AUTS2: variants seen among roughly 807,000 people sequenced by gnomAD.
AUTS2 encodes the protein activator of transcription and developmental regulator AUTS2.
In AUTS2, 17 loss-of-function variants were observed where a neutral mutation model predicts 112.4. The observed-to-expected ratio is 0.15, with a 90% CI of 0.10 to 0.23. The LOEUF is 0.23. Ranked by LOEUF, AUTS2 falls within the 10% of genes least tolerant of loss-of-function variation. The pLI, the probability that AUTS2 is intolerant of heterozygous loss-of-function variation, is 1.00. For synonymous variants in AUTS2, 751 were observed against 702.7 expected (o/e 1.07, Z -1.09); for missense variants, 1,510 against 1,701.6 (o/e 0.89, Z 1.98).
intron 5 of AUTS2, among the ~76,000 whole-genome samples, chr7:70,450,963 A>C (rs896093340): frequency 6.6e-6 from 1 of 152,098 alleles, no homozygotes; most frequent in South Asian, 2.1e-4. Context: ...GATGGAGAAA[A>C]TAGGAGCTCA....
chr7:69,813,452 G>A (rs1790631072), intron 1 of AUTS2, among the ~76,000 whole-genome samples: 1 of 152,200 alleles, frequency 6.6e-6, no homozygotes, highest in African/African-American at 2.4e-5. Context: ...GTTGGGCACT[G>A]CTGGGTTTGC....
At chr7:70,394,117 G>A (rs575526368) in intron 4 of AUTS2, among the ~76,000 whole-genome samples, 2 of 145,626 alleles carry the variant, frequency 1.4e-5, no homozygotes, top group Admixed American at 1.3e-4. Context: ...ACCTTACACA[G>A]TCATAGATGC....
chr7:69,656,555 T>G (rs896530200), intron 1 of AUTS2, among the ~76,000 whole-genome samples: 1 of 152,218 alleles, frequency 6.6e-6, no homozygotes, highest in Admixed American at 6.5e-5. Flanking sequence ...ATGTATCCTG[T>G]TTTTTGATTT....
intron 4 of AUTS2, among the ~76,000 whole-genome samples, chr7:70,207,516 A>C (rs972383355): frequency 6.6e-6 from 1 of 152,270 alleles, no homozygotes; most frequent in Non-Finnish European, 1.5e-5. Flanking sequence ...TACAGGCTTT[A>C]GAATCAGACC....
At chr7:70,220,979 C>A (rs945420554) in intron 4 of AUTS2, among the ~76,000 whole-genome samples, 5 of 152,224 alleles carry the variant, frequency 3.3e-5, no homozygotes, top group Admixed American at 6.5e-5. Context: ...GTCACCCAGG[C>A]TGGAGTGCAG....
intron 4 of AUTS2, among the ~76,000 whole-genome samples, chr7:70,426,893 T>C (rs1427649150): frequency 6.6e-6 from 1 of 152,190 alleles, no homozygotes; most frequent in Non-Finnish European, 1.5e-5. Context: ...TTTTAACCCA[T>C]AACATACTTT....
intron 5 of AUTS2, among the ~76,000 whole-genome samples, chr7:70,645,614 A>G (rs555676733): frequency 6.6e-6 from 1 of 152,142 alleles, no homozygotes; most frequent in African/African-American, 2.4e-5. Flanking sequence ...AAGGCAAGAG[A>G]TGTATCTTGC....
chr7:70,312,776 A>G (rs1279935195), intron 4 of AUTS2, among the ~76,000 whole-genome samples: 2 of 152,242 alleles, frequency 1.3e-5, no homozygotes, highest in Non-Finnish European at 2.9e-5. Context: ...GCATGGCCCA[A>G]CAGAGTAGCC....
At chr7:69,679,446 T>C (rs1796700855) in intron 1 of AUTS2, among the ~76,000 whole-genome samples, 1 of 152,220 alleles carries the variant, frequency 6.6e-6, no homozygotes, top group South Asian at 2.1e-4. Context: ...TTAGTTAATA[T>C]TGAGGCAGTT....
At chr7:70,713,954 G>A (rs554924838) in intron 6 of AUTS2, among the ~76,000 whole-genome samples, 8 of 151,360 alleles carry the variant, frequency 5.3e-5, no homozygotes, top group Admixed American at 3.3e-4. Flanking sequence ...CTGATTCAGC[G>A]TGTCTGGGCT....
intron 10 of AUTS2, among the ~76,000 whole-genome samples, chr7:70,769,192 G>GTT (rs1790156417): frequency 6.6e-6 from 1 of 152,158 alleles, no homozygotes; most frequent in African/African-American, 2.4e-5. Flanking sequence ...AGTTAGAAAA[G>GTT]TGTATTTGAG....
intron 4 of AUTS2, among the ~76,000 whole-genome samples, chr7:70,365,500 G>A (rs1792528921): frequency 6.6e-6 from 1 of 152,188 alleles, no homozygotes; most frequent in Non-Finnish European, 1.5e-5. Context: ...GCAATTGACA[G>A]AGAACGTAAA....
intron 2 of AUTS2, among the ~76,000 whole-genome samples, chr7:70,044,227 C>T (rs992704743): frequency 7.9e-5 from 12 of 152,148 alleles, no homozygotes; most frequent in Non-Finnish European, 1.5e-5. Context: ...AGCCACAGCT[C>T]TCTGTAGAAG....
intron 4 of AUTS2, among the ~76,000 whole-genome samples, chr7:70,258,093 A>G (rs1385630860): frequency 6.6e-6 from 1 of 152,166 alleles, no homozygotes; most frequent in Admixed American, 6.5e-5. Flanking sequence ...TTTGACTGCC[A>G]TTTTGCTTCA....
At chr7:70,784,083 C>G (rs1436890240) in intron 15 of AUTS2, 2 of 152,162 alleles carry the variant, frequency 1.3e-5, no homozygotes, top group Non-Finnish European at 2.9e-5. Flanking sequence ...CCTGAGTTCC[C>G]TGGCAGGCAA....
chr7:69,881,877 C>T (rs552466307), intron 1 of AUTS2, among the ~76,000 whole-genome samples: 12 of 152,206 alleles, frequency 7.9e-5, no homozygotes, highest in Admixed American at 3.9e-4. Flanking sequence ...GTGGACCAGG[C>T]GTGGTGGCTC....
At chr7:70,287,961 A>G (rs572957464) in intron 4 of AUTS2, among the ~76,000 whole-genome samples, 36 of 152,196 alleles carry the variant, frequency 2.4e-4, no homozygotes, top group Admixed American at 8.5e-4. Context: ...TATTCCCCCA[A>G]AGGTGTTGAT....
chr7:69,714,582 A>G (rs1377789768), intron 1 of AUTS2, among the ~76,000 whole-genome samples: 3 of 152,036 alleles, frequency 2.0e-5, no homozygotes, highest in Non-Finnish European at 4.4e-5. Flanking sequence ...TCCCTTCCCA[A>G]ATACCCCACA....
At chr7:69,652,747 G>C (rs1315438312) in intron 1 of AUTS2, among the ~76,000 whole-genome samples, 1 of 152,036 alleles carries the variant, frequency 6.6e-6, no homozygotes, top group African/African-American at 2.4e-5. Context: ...AAGAAATTTA[G>C]ACCATGTAGG....
Sources: gnomAD v4.1 joint callset for allele counts (sites outside exome capture counted in the v4.1 genomes callset) on GRCh38, gnomAD v4.1.1 for gene constraint, MANE v1.5 for transcripts, NCBI Gene and HGNC (gene_info 2026-07-23, HGNC 2026-07-21) for gene names.